Variants in ADGRG6 observed in about 807,000 individuals in gnomAD.
ADGRG6 encodes G-protein coupled receptor 126.
A neutral mutation model predicts 142.4 loss-of-function variants in ADGRG6; 84 were observed. The observed-to-expected ratio is 0.59, with a 90% CI of 0.49 to 0.71. ADGRG6 has a LOEUF of 0.71. ADGRG6 is among the 30% of genes least tolerant of loss of function. The pLI is 0.00. For missense variants in ADGRG6, 1,367 were observed against 1,466.6 expected (o/e 0.93, Z 1.11); for synonymous variants, 521 against 520.5 (o/e 1.00, Z -0.01).
intron 2 of ADGRG6, among the ~76,000 whole-genome samples, chr6:142,320,631 T>G (rs1778467338): frequency 6.6e-6 from 1 of 152,090 alleles, no homozygotes; most frequent in Non-Finnish European, 1.5e-5. Context: ...CCTGAACTTT[T>G]AGCTTGTGTT....
chr6:142,338,603 G>A (rs1779463045), intron 2 of ADGRG6, among the ~76,000 whole-genome samples: 2 of 151,578 alleles, frequency 1.3e-5, no homozygotes, highest in African/African-American at 2.4e-5. Context: ...TTTAGCTATA[G>A]AACTCTTAAT....
intron 2 of ADGRG6, among the ~76,000 whole-genome samples, chr6:142,343,329 G>A (rs879293353): frequency 1.3e-5 from 2 of 150,950 alleles, no homozygotes; most frequent in African/African-American, 2.4e-5. Flanking sequence ...ACAAAGCATT[G>A]GTAAGCAAAT....
intron 4 of ADGRG6, among the ~76,000 whole-genome samples, chr6:142,380,078 CAATT>C (rs571743727): frequency 1.8e-4 from 27 of 152,214 alleles, no homozygotes; most frequent in African/African-American, 5.8e-4. Flanking sequence ...TTCTGATTGA[CAATT>C]GATTGAAAGA....
intron 22 of ADGRG6, among the ~76,000 whole-genome samples, chr6:142,436,164 T>G (rs1264656549): frequency 6.6e-6 from 1 of 152,026 alleles, no homozygotes; most frequent in Non-Finnish European, 1.5e-5. Context: ...AATCAGTATG[T>G]GGTGCTTATA....
intron 24 of ADGRG6, among the ~76,000 whole-genome samples, chr6:142,442,282 CTTCT>C (rs1186480405): frequency 6.6e-6 from 1 of 152,122 alleles, no homozygotes; most frequent in Non-Finnish European, 1.5e-5. Flanking sequence ...AAGTTCATAT[CTTCT>C]TTATCAGTGT....
At chr6:142,364,007 CTT>C (rs200404780) in intron 2 of ADGRG6, among the ~76,000 whole-genome samples, 5 of 143,174 alleles carry the variant, frequency 3.5e-5, no homozygotes, top group Admixed American at 7.0e-5. Flanking sequence ...ATTGTGGCAA[CTT>C]TTTTTTTTTT....
At chr6:142,442,230 CA>C (rs1415095892) in intron 24 of ADGRG6, among the ~76,000 whole-genome samples, 1 of 152,128 alleles carries the variant, frequency 6.6e-6, no homozygotes, top group Non-Finnish European at 1.5e-5. Flanking sequence ...GCCTCTTCCA[CA>C]ATGTATGGAG....
At chr6:142,363,606 T>C (rs1006342812) in intron 2 of ADGRG6, among the ~76,000 whole-genome samples, 1 of 152,186 alleles carries the variant, frequency 6.6e-6, no homozygotes, top group African/African-American at 2.4e-5. Context: ...ACCATATCTG[T>C]CTTTGAGAAC....
chr6:142,369,948 CATGACTA>C (rs1781152963), intron 3 of ADGRG6, among the ~76,000 whole-genome samples: 1 of 152,062 alleles, frequency 6.6e-6, no homozygotes, highest in South Asian at 2.1e-4. Context: ...GAGATCCAAT[CATGACTA>C]GAGATGAAAT....
chr6:142,416,219 G>C (rs1326572807), intron 20 of ADGRG6, among the ~76,000 whole-genome samples, 155 bp downstream of exon 20: 2 of 151,498 alleles, frequency 1.3e-5, no homozygotes, highest in African/African-American at 4.9e-5. Flanking sequence ...CTAAGGAAGG[G>C]ACATCTTCAC....
chr6:142,443,298 G>C, intron 24 of ADGRG6, 39 bp from the exon 25 acceptor site: 1 of 1,478,752 alleles, frequency 6.8e-7, no homozygotes, highest in Non-Finnish European at 9.4e-7. Context: ...CATGCCACCA[G>C]CTCATCTTGA....
chr6:142,356,729 G>A (rs997561602), intron 2 of ADGRG6, among the ~76,000 whole-genome samples: 2 of 152,184 alleles, frequency 1.3e-5, no homozygotes, highest in East Asian at 1.9e-4. Flanking sequence ...AGAACCTCGG[G>A]GGCTAGTGAC....
At chr6:142,308,049 C>T (rs573651023) in intron 1 of ADGRG6, among the ~76,000 whole-genome samples, 46 of 152,098 alleles carry the variant, frequency 3.0e-4, no homozygotes, top group African/African-American at 1.1e-3. Context: ...TGAGATTAAT[C>T]TTGTTTACTC....
chr6:142,411,831 T>C (rs138034532), intron 18 of ADGRG6, among the ~76,000 whole-genome samples: 102 of 152,256 alleles, frequency 6.7e-4, no homozygotes, highest in African/African-American at 2.4e-3. Context: ...ATTTTTCTTA[T>C]GTTGTCACTC....
At chr6:142,313,578 G>C (rs1213015130) in intron 2 of ADGRG6, among the ~76,000 whole-genome samples, 1 of 152,104 alleles carries the variant, frequency 6.6e-6, no homozygotes, top group Non-Finnish European at 1.5e-5. Flanking sequence ...CAGCTACCAG[G>C]GGAAATGTTT....
intron 2 of ADGRG6, among the ~76,000 whole-genome samples, chr6:142,324,429 C>T (rs779245298): frequency 7.9e-5 from 12 of 152,044 alleles, no homozygotes; most frequent in Non-Finnish European, 1.8e-4. Flanking sequence ...AAGCTGAAAA[C>T]ATTTTTTCCT....
chr6:142,384,554 T>A (rs1206451843), intron 6 of ADGRG6, among the ~76,000 whole-genome samples: 1 of 152,174 alleles, frequency 6.6e-6, no homozygotes, highest in African/African-American at 2.4e-5. Flanking sequence ...ATACATGGCC[T>A]TTCAGTAATT....
chr6:142,333,725 A>G (rs1216627248), intron 2 of ADGRG6, among the ~76,000 whole-genome samples: 1 of 152,166 alleles, frequency 6.6e-6, no homozygotes, highest in East Asian at 1.9e-4. Flanking sequence ...TCAAGATGAG[A>G]TCAATAATAC....
At chr6:142,408,128 G>T in intron 15 of ADGRG6, 22 bp from the exon 16 acceptor site, 1 of 1,527,744 alleles carries the variant, frequency 6.5e-7, no homozygotes. Context: ...ACTGATACAC[G>T]CGATTTTTTT....
Sources: gnomAD v4.1 joint callset for allele counts (sites outside exome capture counted in the v4.1 genomes callset) on GRCh38, gnomAD v4.1.1 for gene constraint, MANE v1.5 for transcripts, NCBI Gene and HGNC (gene_info 2026-07-23, HGNC 2026-07-21) for gene names.